Variants in DSCAM observed in about 807,000 individuals in gnomAD.
The protein encoded by DSCAM is cell adhesion molecule DSCAM.
DSCAM carries 47 observed loss-of-function variants against 217.7 expected under a neutral mutation model. That is an observed-to-expected ratio of 0.22 (90% CI 0.17 to 0.28). DSCAM has a LOEUF of 0.28. Among genes scored for constraint, DSCAM ranks in the 10% least tolerant of loss-of-function variants. DSCAM has a pLI of 1.00. For missense variants in DSCAM, 2,080 were observed against 2,618.3 expected (o/e 0.79, Z 4.49); for synonymous variants, 1,056 against 1,015.3 (o/e 1.04, Z -0.76).
intron 14 of DSCAM, among the ~76,000 whole-genome samples, chr21:40,183,365 CA>C (rs2090859012): frequency 6.6e-6 from 1 of 152,174 alleles, no homozygotes; most frequent in Non-Finnish European, 1.5e-5. Context: ...GTGTAATTGC[CA>C]CCTATGGGAG....
chr21:40,268,443 G>C (rs2073569430), intron 11 of DSCAM, among the ~76,000 whole-genome samples: 1 of 152,126 alleles, frequency 6.6e-6, no homozygotes, highest in Admixed American at 6.5e-5. Context: ...CTGATTGAGG[G>C]TTCAGAACAT....
chr21:40,081,815 T>C (rs1601311622), intron 24 of DSCAM, among the ~76,000 whole-genome samples: 1 of 152,216 alleles, frequency 6.6e-6, no homozygotes. Flanking sequence ...GCCACTACTG[T>C]GTTTCAGGAA....
intron 8 of DSCAM, among the ~76,000 whole-genome samples, chr21:40,337,247 G>A (rs1231529064): frequency 6.6e-6 from 1 of 152,274 alleles, no homozygotes; most frequent in East Asian, 1.9e-4. Context: ...CCTGGAGAGA[G>A]AACTTGGACA....
intron 3 of DSCAM, among the ~76,000 whole-genome samples, chr21:40,579,984 G>A (rs1017815952): frequency 3.3e-5 from 5 of 152,064 alleles, no homozygotes; most frequent in African/African-American, 7.2e-5. Flanking sequence ...GCTAGGGTCC[G>A]TGCTACACGG....
chr21:40,051,113 CTAA>C (rs1340929086), intron 30 of DSCAM, among the ~76,000 whole-genome samples: 2 of 152,048 alleles, frequency 1.3e-5, no homozygotes, highest in African/African-American at 4.8e-5. Context: ...AGTTATTTTT[CTAA>C]TAATAACACA....
intron 20 of DSCAM, among the ~76,000 whole-genome samples, chr21:40,106,504 T>C (rs1304910900): frequency 6.6e-6 from 1 of 151,790 alleles, no homozygotes; most frequent in African/African-American, 2.4e-5. Flanking sequence ...TAGGAAGGAG[T>C]CCCCCCTCCT....
chr21:40,838,694 T>C (rs896439860), intron 1 of DSCAM, among the ~76,000 whole-genome samples: 1 of 152,220 alleles, frequency 6.6e-6, no homozygotes, highest in Admixed American at 6.5e-5. Flanking sequence ...TCAAAATCAG[T>C]AATTAAATAG....
chr21:40,488,212 T>C (rs2076046217), intron 3 of DSCAM, among the ~76,000 whole-genome samples: 2 of 152,240 alleles, frequency 1.3e-5, no homozygotes, highest in African/African-American at 4.8e-5. Context: ...AGTGGCTGGC[T>C]GGAGACGGAC....
chr21:40,177,342 T>C (rs552128477), intron 15 of DSCAM, among the ~76,000 whole-genome samples: 1 of 152,340 alleles, frequency 6.6e-6, no homozygotes, highest in Non-Finnish European at 1.5e-5. Context: ...ATGTCCATTT[T>C]GCAGATGAGA....
intron 8 of DSCAM, among the ~76,000 whole-genome samples, chr21:40,326,735 G>A (rs548093517): frequency 3.9e-5 from 6 of 152,026 alleles, no homozygotes; most frequent in South Asian, 2.1e-4. Context: ...TGCACAGATC[G>A]TGCAGGAAGA....
chr21:40,390,113 C>T (rs1423669034), intron 3 of DSCAM, among the ~76,000 whole-genome samples: 1 of 152,186 alleles, frequency 6.6e-6, no homozygotes, highest in Admixed American at 6.5e-5. Flanking sequence ...CTGGAGCTGT[C>T]TCAGCTTCGT....
chr21:40,322,371 A>C (rs1307347366), intron 8 of DSCAM, among the ~76,000 whole-genome samples: 1 of 152,212 alleles, frequency 6.6e-6, no homozygotes, highest in Admixed American at 6.5e-5. Flanking sequence ...GCACTCACAA[A>C]ACTAAAGAGA....
intron 6 of DSCAM, among the ~76,000 whole-genome samples, chr21:40,341,790 T>G (rs957900512): frequency 2.0e-5 from 3 of 152,356 alleles, no homozygotes; most frequent in Admixed American, 2.0e-4. Context: ...TAACTCACTG[T>G]CCACAGCAAA....
At chr21:40,797,578 C>A (rs1198325477) in intron 1 of DSCAM, among the ~76,000 whole-genome samples, 2 of 152,138 alleles carry the variant, frequency 1.3e-5, no homozygotes, top group Non-Finnish European at 2.9e-5. Flanking sequence ...ATGAAGTCAT[C>A]AAAATTACTG....
At chr21:40,456,655 T>A (rs897435892) in intron 3 of DSCAM, among the ~76,000 whole-genome samples, 1 of 151,516 alleles carries the variant, frequency 6.6e-6, no homozygotes. Context: ...TGCAATACAC[T>A]TCACAATAAT....
intron 6 of DSCAM, among the ~76,000 whole-genome samples, chr21:40,344,277 T>C (rs1047998343): frequency 1.3e-5 from 2 of 152,340 alleles, no homozygotes. Context: ...TGCTAAATAT[T>C]TACTAATATA....
At chr21:40,143,546 C>T (rs534635255) in intron 17 of DSCAM, among the ~76,000 whole-genome samples, 1 of 152,332 alleles carries the variant, frequency 6.6e-6, no homozygotes, top group South Asian at 2.1e-4. Flanking sequence ...AATCCCAGCA[C>T]TTTTGGAGGC....
At chr21:40,661,642 G>T (rs991682963) in intron 3 of DSCAM, among the ~76,000 whole-genome samples, 8 of 152,134 alleles carry the variant, frequency 5.3e-5, no homozygotes, top group Non-Finnish European at 1.2e-4. Context: ...TCTTTTAGTG[G>T]AGTTTAGATT....
intron 14 of DSCAM, among the ~76,000 whole-genome samples, chr21:40,180,667 G>A (rs1194989994): frequency 1.3e-5 from 2 of 152,160 alleles, no homozygotes; most frequent in South Asian, 4.1e-4. Context: ...GCCCCTGGAG[G>A]AAGTAGGCAG....
Sources: allele counts gnomAD v4.1 joint callset (sites outside exome capture counted in the v4.1 genomes callset), GRCh38; gene constraint gnomAD v4.1.1; transcripts MANE v1.5; gene names NCBI Gene and HGNC (gene_info 2026-07-23, HGNC 2026-07-21).